The following TUSC3 variants were observed in gnomAD, a reference collection of about 807,000 sequenced individuals.
TUSC3 encodes tumor suppressor candidate 3.
TUSC3 carries 45 observed loss-of-function variants against 44.8 expected under a neutral mutation model. The ratio of observed to expected loss-of-function variants is 1.00; its 90% CI spans 0.79 to 1.29. The LOEUF is 1.29. TUSC3 is among the 50% of genes most tolerant of loss of function. TUSC3 has a pLI of 0.00. For synonymous variants in TUSC3, 212 were observed against 152.9 expected (o/e 1.39, Z -2.85); for missense variants, 519 against 437.9 (o/e 1.19, Z -1.65).
chr8:15,844,560 A>T, the TUSC3 span, among the ~76,000 whole-genome samples: 16 of 152,198 alleles, frequency 1.1e-4, no homozygotes, highest in African/African-American at 2.9e-4. Flanking sequence ...ACTCAGATTT[A>T]TGTTACTTTT....
intron 1 of TUSC3, among the ~76,000 whole-genome samples, chr8:15,435,987 C>T (rs1174409767): frequency 6.6e-6 from 1 of 152,094 alleles, no homozygotes; most frequent in Non-Finnish European, 1.5e-5. Context: ...TCTCTGATGC[C>T]ATCACAGACG....
intron 2 of TUSC3, among the ~76,000 whole-genome samples, chr8:15,527,279 C>T (rs1267507370): frequency 1.3e-5 from 2 of 152,252 alleles, no homozygotes; most frequent in East Asian, 3.9e-4. Flanking sequence ...TATAGTGGAA[C>T]AATCTTGGCT....
rs144122049 is a variant in TUSC3 at position 15,652,759 on chromosome 8, C to T, written c.426+1945C>T. ...AGTGCTATTCAATGTATACTTGAAT[C>T]CTCTCTATCATATTGGCAAACAGTC... On this transcript the variant is annotated intron_variant, in intron 3 of 10. Coordinates refer to ENST00000503731, the MANE Select transcript of TUSC3 (RefSeq NM_006765.4). 1.8e-3 allele frequency among the ~76,000 whole-genome samples: 280 copies of T among 152,150 alleles called. 1 individual carries two copies. Among genetic ancestry groups the T allele is most frequent in the African/African-American group, 6.5e-3 (269 of 41,504 alleles).
the TUSC3 span, among the ~76,000 whole-genome samples, chr8:15,824,844 C>T: frequency 6.6e-6 from 1 of 152,162 alleles, no homozygotes; most frequent in African/African-American, 2.4e-5. Context: ...CCTGTCAGTT[C>T]TCCCAAGGTA....
chr8:15,649,138 T>G (rs1806770889), intron 2 of TUSC3, among the ~76,000 whole-genome samples: 1 of 152,230 alleles, frequency 6.6e-6, no homozygotes, highest in Admixed American at 6.5e-5. Context: ...TCATGTTTTC[T>G]GATCGTTCTT....
At chr8:15,597,402 G>T (rs1432109302) in intron 1 of TUSC3, among the ~76,000 whole-genome samples, 1 of 152,044 alleles carries the variant, frequency 6.6e-6, no homozygotes, top group African/African-American at 2.4e-5. Flanking sequence ...TTAAATATTA[G>T]TTGCTAGTAT....
intron 1 of TUSC3, among the ~76,000 whole-genome samples, chr8:15,562,636 C>T (rs1385351663): frequency 6.6e-6 from 1 of 152,080 alleles, no homozygotes; most frequent in Non-Finnish European, 1.5e-5. Context: ...GTCCTCTTCT[C>T]AACTCATTCA....
intron 6 of TUSC3, among the ~76,000 whole-genome samples, chr8:15,684,472 C>T (rs970337724): frequency 6.6e-6 from 1 of 152,132 alleles, no homozygotes; most frequent in African/African-American, 2.4e-5. Context: ...GGGTCTCCCG[C>T]CAGTGTCTGC....
intron 2 of TUSC3, among the ~76,000 whole-genome samples, chr8:15,525,849 A>T (rs4831339): frequency 0.94 from 142,826 of 152,174 alleles, 67,301 homozygotes; most frequent in South Asian, 0.98. Flanking sequence ...CTGATCGGTT[A>T]GGCCGTAATG....
intron 9 of TUSC3, among the ~76,000 whole-genome samples, chr8:15,749,626 CTTCAGGTTT>C (rs1487752162): frequency 6.6e-6 from 1 of 151,186 alleles, no homozygotes; most frequent in Non-Finnish European, 1.5e-5. Context: ...CAAGCAGAGT[CTTCAGGTTT>C]TTCATTTTAC....
chr8:15,830,400 G>T, the TUSC3 span, among the ~76,000 whole-genome samples: 1 of 152,066 alleles, frequency 6.6e-6, no homozygotes, highest in African/African-American at 2.4e-5. Context: ...TTTCTTCTGG[G>T]AATTTTTATA....
chr8:15,807,084 A>G, the TUSC3 span: 8 of 1,374,126 alleles, frequency 5.8e-6, no homozygotes, highest in South Asian at 1.2e-5. Context: ...GTATTTGGCA[A>G]CCTGAGAACC....
intron 1 of TUSC3, among the ~76,000 whole-genome samples, chr8:15,595,521 A>G (rs989133427): frequency 1.3e-5 from 2 of 152,240 alleles, no homozygotes; most frequent in Non-Finnish European, 2.9e-5. Flanking sequence ...AGCGTCTTTT[A>G]TATCCTGATG....
chr8:15,587,455 G>A (rs887145668), intron 1 of TUSC3, among the ~76,000 whole-genome samples: 4 of 152,046 alleles, frequency 2.6e-5, no homozygotes, highest in African/African-American at 9.7e-5. Flanking sequence ...TGTAATAACT[G>A]TATATATTTA....
At chr8:15,570,068 A>G (rs1802814929) in intron 1 of TUSC3, among the ~76,000 whole-genome samples, 1 of 152,174 alleles carries the variant, frequency 6.6e-6, no homozygotes, top group East Asian at 1.9e-4. Context: ...TAAAACCTTC[A>G]GGTTTATAAA....
chr8:15,565,875 T>G (rs186882256), intron 1 of TUSC3, among the ~76,000 whole-genome samples: 118 of 152,244 alleles, frequency 7.8e-4, no homozygotes, highest in African/African-American at 2.7e-3. Context: ...TGAATTTGGC[T>G]CTGTACTATT....
the TUSC3 span, among the ~76,000 whole-genome samples, chr8:15,825,223 C>T: frequency 6.6e-6 from 1 of 152,040 alleles, no homozygotes; most frequent in Non-Finnish European, 1.5e-5. Context: ...TGTGTTAGTT[C>T]TCATGCTGCT....
chr8:15,658,628 A>G (rs1233943533), intron 3 of TUSC3, among the ~76,000 whole-genome samples: 1 of 121,098 alleles, frequency 8.3e-6, no homozygotes, highest in Non-Finnish European at 1.7e-5. Flanking sequence ...GTGTATATAT[A>G]CACATATATA....
At chr8:15,534,171 T>C (rs1801490064) in intron 2 of TUSC3, among the ~76,000 whole-genome samples, 1 of 152,184 alleles carries the variant, frequency 6.6e-6, no homozygotes. Context: ...ATTCACAGCC[T>C]TATTACTATA....
Sources: allele counts gnomAD v4.1 joint callset (sites outside exome capture counted in the v4.1 genomes callset), GRCh38; gene constraint gnomAD v4.1.1; transcripts MANE v1.5; gene names NCBI Gene and HGNC (gene_info 2026-07-23, HGNC 2026-07-21).